RADX: variants seen among roughly 807,000 people sequenced by gnomAD.
The protein encoded by RADX is RPA1 related single stranded DNA binding protein, X-linked.
RADX carries 36 observed loss-of-function variants against 61.6 expected under a neutral mutation model. That is an observed-to-expected ratio of 0.58 (90% CI 0.45 to 0.77). The LOEUF (loss-of-function observed/expected upper bound fraction) is 0.77, where lower values mean the gene tolerates loss of function less well. Among genes scored for constraint, RADX ranks in the 30% least tolerant of loss-of-function variants. RADX has a pLI of 0.00. For missense variants in RADX, 497 were observed against 651.1 expected (o/e 0.76, Z 2.58); for synonymous variants, 272 against 237.9 (o/e 1.14, Z -1.32).
intron 11 of RADX, among the ~76,000 whole-genome samples, chrX:106,652,995 A>C (rs992414191): frequency 2.8e-5 from 3 of 108,056 alleles, no homozygotes; most frequent in Non-Finnish European, 3.8e-5. Flanking sequence ...AAAAAAAAAA[A>C]AAAAAACCTG....
intron 12 of RADX, among the ~76,000 whole-genome samples, chrX:106,667,227 C>A (rs1476078100): frequency 8.9e-6 from 1 of 111,988 alleles, no homozygotes; most frequent in African/African-American, 3.2e-5. Context: ...TGGGGAAAAA[C>A]CATTCTAGGC....
At chrX:106,635,128 T>C (rs1041453009) in intron 6 of RADX, among the ~76,000 whole-genome samples, 7 of 111,789 alleles carry the variant, frequency 6.3e-5, no homozygotes, top group Non-Finnish European at 9.4e-5. Flanking sequence ...CCAAAATTCT[T>C]TGGTAGTATG....
At chrX:106,618,587 T>A (rs748147500) in intron 1 of RADX, among the ~76,000 whole-genome samples, 1 of 110,955 alleles carries the variant, frequency 9.0e-6, no homozygotes, top group Admixed American at 9.6e-5. Flanking sequence ...GAGACCAGCC[T>A]AGGTCCAGAC....
rs183808167 is a variant in RADX at position 106,623,058 on chromosome X, T to A, written c.786+265T>A. ...CTTTTTATTTTCCTTCAACCTTTTC[T>A]TCTCACCTATGCTTTCTGTGCCAAT... On this transcript the variant is annotated intron_variant, in intron 2 of 13. Transcript: ENST00000372548. Among the ~76,000 whole-genome samples the A allele has an allele frequency of 2.3e-3, 260 of 111,341 alleles. 3 individuals are homozygous for A. The highest frequency in any genetic ancestry group is 8.2e-3 in the African/African-American group (253 of 30,720).
At chrX:106,616,769 A>G (rs775950902) in intron 1 of RADX, among the ~76,000 whole-genome samples, 1 of 110,980 alleles carries the variant, frequency 9.0e-6, no homozygotes, top group East Asian at 2.8e-4. Flanking sequence ...AAGCTGATTT[A>G]AACAACCATG....
intron 3 of RADX, among the ~76,000 whole-genome samples, chrX:106,630,900 A>G (rs1043906697): frequency 8.0e-5 from 9 of 111,982 alleles, no homozygotes; most frequent in Non-Finnish European, 1.3e-4. Context: ...ATGCCCCTGA[A>G]CCTAAAATAA....
At chrX:106,647,389 C>A (rs1927685827) in intron 10 of RADX, among the ~76,000 whole-genome samples, 1 of 111,112 alleles carries the variant, frequency 9.0e-6, no homozygotes, top group Non-Finnish European at 1.9e-5. Flanking sequence ...ATCCATTCAT[C>A]TGTTGATGGA....
At chrX:106,646,119 G>A (rs1158504905) in intron 10 of RADX, among the ~76,000 whole-genome samples, 4 of 110,725 alleles carry the variant, frequency 3.6e-5, no homozygotes, top group Admixed American at 9.6e-5. Context: ...TATAAAGATA[G>A]CTACTCCTAC....
chrX:106,659,801 A>T (rs1382472853), intron 11 of RADX, among the ~76,000 whole-genome samples: 1 of 111,606 alleles, frequency 9.0e-6, no homozygotes, highest in Non-Finnish European at 1.9e-5. Flanking sequence ...TAAAATAAAA[A>T]AATAAAGCAT....
chrX:106,614,587 A>G (rs1021794609), intron 1 of RADX, among the ~76,000 whole-genome samples: 3 of 112,097 alleles, frequency 2.7e-5, no homozygotes, highest in Admixed American at 9.4e-5. Context: ...GGATATAGAC[A>G]GATCATCTTC....
At chrX:106,613,184 A>T (rs775686366) in intron 1 of RADX, among the ~76,000 whole-genome samples, 2 of 112,359 alleles carry the variant, frequency 1.8e-5, no homozygotes, top group African/African-American at 6.5e-5. Flanking sequence ...ATCTTCATTC[A>T]AAAAGGATGC....
chrX:106,631,987 A>G lies in RADX; in HGVS notation c.980-638A>G, dbSNP rs1039007789. The stretch of plus-strand genomic sequence containing the variant: ...ACTTAAAATGATTAGGGATTATGCT[A>G]TAGAGCTGAACATTTACATATCACA... On this transcript the variant is annotated intron_variant, in intron 3 of 13. Transcript: ENST00000372548. Among the ~76,000 whole-genome samples the G allele has an allele frequency of 1.2e-4, 13 of 111,633 alleles. No individual in the cohort carries two copies. The Admixed American group carries it at 1.2e-3, about 11-fold the overall frequency.
At chrX:106,630,006 G>C (rs1927174750) in intron 3 of RADX, among the ~76,000 whole-genome samples, 1 of 111,612 alleles carries the variant, frequency 9.0e-6, no homozygotes, top group Non-Finnish European at 1.9e-5. Flanking sequence ...AAAGAAAATA[G>C]CAAGAGAAGG....
At chrX:106,654,203 T>G (rs1212555664) in intron 11 of RADX, among the ~76,000 whole-genome samples, 1 of 111,530 alleles carries the variant, frequency 9.0e-6, no homozygotes, top group Non-Finnish European at 1.9e-5. Context: ...CATCTGTTGT[T>G]TCCTGACTAT....
chrX:106,645,382 G>A (rs1288542137), intron 10 of RADX, among the ~76,000 whole-genome samples: 4 of 110,531 alleles, frequency 3.6e-5, no homozygotes, highest in Admixed American at 9.7e-5. Context: ...TTTGTTGGAG[G>A]CACTTATAGC....
chrX:106,616,227 C>T (rs1037265640), intron 1 of RADX, among the ~76,000 whole-genome samples: 2 of 111,329 alleles, frequency 1.8e-5, no homozygotes, highest in Non-Finnish European at 3.8e-5. Flanking sequence ...CAAAGTTGTA[C>T]GTAGTAATCT....
chrX:106,674,867 T>G (rs1267452893), intron 13 of RADX, among the ~76,000 whole-genome samples: 1 of 110,133 alleles, frequency 9.1e-6, no homozygotes, highest in Non-Finnish European at 1.9e-5. Context: ...CTACTAAAAA[T>G]ACAAAAATTA....
chrX:106,622,499 A>G, intron 1 of RADX, 152 bp from the exon 2 acceptor site: 1 of 450,323 alleles, frequency 2.2e-6, no homozygotes, highest in Non-Finnish European at 3.8e-6. Context: ...AATGTAGTTT[A>G]TGAGAGGTAA....
At chrX:106,678,078 G>A in intron 13 of RADX, 50 bp from the exon 14 acceptor site, 2 of 899,362 alleles carry the variant, frequency 2.2e-6, no homozygotes, top group Non-Finnish European at 1.6e-6. Flanking sequence ...CTAAAGTCAA[G>A]TAAATATTTA....
Sources: gnomAD v4.1 joint callset for allele counts (sites outside exome capture counted in the v4.1 genomes callset) on GRCh38, gnomAD v4.1.1 for gene constraint, MANE v1.5 for transcripts, NCBI Gene and HGNC (gene_info 2026-07-23, HGNC 2026-07-21) for gene names.